USP9X: variants seen among roughly 807,000 people sequenced by gnomAD.
USP9X encodes the protein ubiquitin carboxyl-terminal hydrolase 9X.
USP9X carries 7 observed loss-of-function variants against 190.3 expected under a neutral mutation model. The ratio of observed to expected loss-of-function variants is 0.04; its 90% CI spans 0.02 to 0.07. The LOEUF is 0.07. Among genes scored for constraint, USP9X ranks in the 10% least tolerant of loss-of-function variants. USP9X has a pLI of 1.00. For missense variants in USP9X, 1,010 were observed against 1,916.9 expected, an observed-to-expected ratio of 0.53 and a Z score of 8.83; for synonymous variants, 645 against 659.5, an observed-to-expected ratio of 0.98 and a Z score of 0.34.
At chrX:41,153,125 C>A in intron 14 of USP9X, 44 bp downstream of exon 14, 7 of 1,124,269 alleles carry the variant, frequency 6.2e-6, no homozygotes, top group Non-Finnish European at 7.1e-6. Context: ...ATAGCAGGGA[C>A]CTTTTTTTGC....
At chrX:41,158,354 A>G (rs1395679607) in intron 14 of USP9X, among the ~76,000 whole-genome samples, 1 of 111,619 alleles carries the variant, frequency 9.0e-6, no homozygotes, top group Non-Finnish European at 1.9e-5. Context: ...CTTCCTGCAC[A>G]AGGAAACCCC....
At chrX:41,127,371 A>G in intron 2 of USP9X, among the ~76,000 whole-genome samples, 1 of 112,219 alleles carries the variant, frequency 8.9e-6, no homozygotes, top group Middle Eastern at 4.6e-3. Flanking sequence ...GAACATATAT[A>G]TGGACAGTTT....
chrX:41,212,133 C>T (rs1364812514), intron 33 of USP9X, among the ~76,000 whole-genome samples: 1 of 110,740 alleles, frequency 9.0e-6, no homozygotes, highest in Non-Finnish European at 1.9e-5. Context: ...ATTCTTCTGC[C>T]TTAGGATCCT....
chrX:41,106,490 G>A (rs996445043), intron 1 of USP9X, among the ~76,000 whole-genome samples: 5 of 104,917 alleles, frequency 4.8e-5, no homozygotes, highest in East Asian at 2.9e-4. Flanking sequence ...ATGCTCCTCC[G>A]GTTGTCATAC....
rs1194448404 is a variant in USP9X at position 41,229,307 on chromosome X, A to G, written c.7116A>G (p.Thr2372=). ...ATGACCGAGATGGGCTGTTTGACACAATCCAGCGCTCTAAGAATCACTATC... is the reference window on the plus strand; with the variant it reads ...ATGACCGAGATGGGCTGTTTGACACGATCCAGCGCTCTAAGAATCACTATC... The part of the protein sequence containing the change: ...IPDDRDGLFD[T]IQRSKNHYQK... Residue 2372 remains threonine (T), a synonymous_variant, in exon 42 of 45, where the codon ACA becomes ACG. Transcript: ENST00000378308. 11 of 1,196,811 alleles carry G rather than the reference A, an allele frequency of 9.2e-6. No homozygotes were observed. Among genetic ancestry groups the G allele is most frequent in the Non-Finnish European group, 1.2e-5 (11 of 889,221 alleles).
intron 14 of USP9X, 82 bp downstream of exon 14, chrX:41,153,163 G>A: frequency 1.4e-5 from 14 of 993,756 alleles, no homozygotes; most frequent in Non-Finnish European, 1.9e-5. Flanking sequence ...TGTAAATCAT[G>A]TTCCTTTATG....
chrX:41,167,976 T>A lies in USP9X; in HGVS notation c.2425-31T>A, dbSNP rs756431278. The A allele has an allele frequency of 1.6e-5, 19 of 1,157,219 alleles. No homozygotes were observed. The South Asian group carries it at 3.8e-4, about 23-fold the overall frequency. ...TGGTTTTTACATTTTAAAGCAATTT[T>A]AACTGTGTTTATTTGGCCTGATATT... On this transcript the variant is annotated intron_variant, in intron 17 of 44. Coordinates refer to ENST00000378308, the MANE Select transcript of USP9X (RefSeq NM_001039591.3).
At chrX:41,107,977 CTCAAAG>C (rs989127621) in intron 1 of USP9X, among the ~76,000 whole-genome samples, 2 of 112,386 alleles carry the variant, frequency 1.8e-5, no homozygotes, top group African/African-American at 3.2e-5. Flanking sequence ...TCTGGACCTT[CTCAAAG>C]TCAGTTTCTT....
intron 33 of USP9X, 52 bp from the exon 34 acceptor site, chrX:41,214,516 C>A: frequency 9.3e-7 from 1 of 1,074,849 alleles, no homozygotes; most frequent in East Asian, 3.3e-5. Flanking sequence ...AAGTCCATAA[C>A]TAAAATGTTT....
chrX:41,135,788 G>A (rs756165297), intron 5 of USP9X, among the ~76,000 whole-genome samples: 3 of 109,995 alleles, frequency 2.7e-5, no homozygotes, highest in Admixed American at 1.9e-4. Context: ...GCGCCACCAC[G>A]CCTGGCTAAT....
At chrX:41,131,392 C>T (rs897706180) in intron 3 of USP9X, 65 bp from the exon 4 acceptor site, 1 of 801,541 alleles carries the variant, frequency 1.2e-6, no homozygotes, top group Admixed American at 2.8e-5. Context: ...TAATTAGTAG[C>T]TCATTTGTAG....
chrX:41,092,754 C>T (rs1282015983), intron 1 of USP9X, among the ~76,000 whole-genome samples: 1 of 111,389 alleles, frequency 9.0e-6, no homozygotes, highest in African/African-American at 3.3e-5. Flanking sequence ...GTTCAGTGTT[C>T]CCTGTCATCA....
intron 33 of USP9X, among the ~76,000 whole-genome samples, chrX:41,212,416 C>T (rs764824668): frequency 2.1e-4 from 20 of 96,599 alleles, no homozygotes; most frequent in South Asian, 2.0e-3. Flanking sequence ...TCCTATGACC[C>T]TGCCAAATCC....
chrX:41,217,238 C>T lies in USP9X; in HGVS notation c.6104C>T (p.Pro2035Leu), dbSNP rs749885697. ...TTTATAGGGCAAGATCACCTGTTGC[C>T]TGAAGCAGAAGAAATCACTATGATC... is the stretch of plus-strand genomic sequence containing the variant. Reference protein sequence around the residue: ...NPPPGQDHLLPEAEEITMISI... With the variant: ...NPPPGQDHLLLEAEEITMISI... The change falls in exon 36 of 45, where the codon CCT becomes CTT. Residue 2035 changes from proline to leucine, a missense_variant. Pro to Leu is a moderately conservative substitution (Grantham distance 98, BLOSUM62 -3). Around this residue, in one of 11 missense-constraint regions of USP9X, gnomAD observed 121 missense variants for 281.2 expected, o/e 0.43. Transcript: ENST00000378308. The T allele has an allele frequency of 1.7e-6, 2 of 1,206,367 alleles. No homozygotes were observed. The highest frequency in any genetic ancestry group is 2.2e-6 in the Non-Finnish European group (2 of 893,426).
intron 1 of USP9X, among the ~76,000 whole-genome samples, chrX:41,118,801 A>G (rs2062169234): frequency 8.9e-6 from 1 of 111,956 alleles, no homozygotes; most frequent in Admixed American, 9.5e-5. Context: ...AGACGTGTAG[A>G]GCCAACTCTC....
In USP9X at chrX:41,113,491, G is replaced by A. The variant is rs112697311; in HGVS notation, c.-158-9980G>A. On this transcript the variant is annotated intron_variant, in intron 1 of 44. Coordinates refer to ENST00000378308, the MANE Select transcript of USP9X (RefSeq NM_001039591.3). ...TGGGGTTACAGGCATGAGCCACCGC[G>A]CCTGGCCAAAAATAAGTATTTTTGT... Among the ~76,000 whole-genome samples the A allele has an allele frequency of 3.3e-3, 374 of 111,821 alleles. 2 individuals are homozygous for A. Among genetic ancestry groups the A allele is most frequent in the African/African-American group, 0.011 (349 of 30,749 alleles).
At chrX:41,224,635 T>TA (rs1348232661) in intron 39 of USP9X, 107 bp from the exon 40 acceptor site, 26 of 718,487 alleles carry the variant, frequency 3.6e-5, no homozygotes, top group Non-Finnish European at 4.6e-5. Context: ...GACTCCATCT[T>TA]AAAAAAAATA....
In USP9X at chrX:41,141,173, A is replaced by G. The variant is rs2062419393; in HGVS notation, c.978A>G (p.Glu326=). Residue 326 remains glutamate (E), a synonymous_variant, in exon 8 of 45, where the codon GAA becomes GAG. Coordinates refer to ENST00000378308, the MANE Select transcript of USP9X (RefSeq NM_001039591.3). ...CTTCAAGGGTTCCAGGACAAGAAGA[A>G]ACTGTTAAAAACTTAGAAATATTTA... is the stretch of plus-strand genomic sequence containing the variant. ...NLASRVPGQE[E]TVKNLEIFRL... 1 of 1,190,907 alleles carries G rather than the reference A, an allele frequency of 8.4e-7. No homozygotes were observed. Among genetic ancestry groups the G allele is most frequent in the African/African-American group, 1.8e-5 (1 of 56,296 alleles).
chrX:41,105,196 CCTGA>C (rs2062060958), intron 1 of USP9X, among the ~76,000 whole-genome samples: 1 of 111,063 alleles, frequency 9.0e-6, no homozygotes, highest in African/African-American at 3.3e-5. Context: ...GAGCATGTGG[CCTGA>C]CTAAGCCAAG....
Sources: allele counts gnomAD v4.1 joint callset (sites outside exome capture counted in the v4.1 genomes callset), GRCh38; gene constraint gnomAD v4.1.1; regional missense constraint gnomAD v4.1.1; transcripts MANE v1.5; gene names NCBI Gene and HGNC (gene_info 2026-07-23, HGNC 2026-07-21).